MACROD2: variants seen among roughly 807,000 people sequenced by gnomAD.
The protein encoded by MACROD2 is ADP-ribose glycohydrolase MACROD2.
In MACROD2, 36 loss-of-function variants were observed where a neutral mutation model predicts 70.4. The observed-to-expected ratio is 0.51, with a 90% CI of 0.39 to 0.68. The LOEUF is 0.68. MACROD2 is among the 30% of genes least tolerant of loss of function. The pLI is 0.00. For synonymous variants in MACROD2, 172 were observed against 178.8 expected (o/e 0.96, Z 0.30); for missense variants, 496 against 538.4 (o/e 0.92, Z 0.78).
At chr20:14,946,678 T>G (rs2074435236) in intron 5 of MACROD2, among the ~76,000 whole-genome samples, 1 of 152,206 alleles carries the variant, frequency 6.6e-6, no homozygotes, top group South Asian at 2.1e-4. Context: ...TGATTTTCTT[T>G]TCCTCCAGGT....
chr20:14,075,262 G>A (rs747113223), intron 2 of MACROD2, among the ~76,000 whole-genome samples: 4 of 152,152 alleles, frequency 2.6e-5, no homozygotes, highest in Non-Finnish European at 4.4e-5. Context: ...CTTTGCTGTC[G>A]CATCTCAATC....
chr20:14,544,133 T>C (rs1275683544), intron 4 of MACROD2, among the ~76,000 whole-genome samples: 1 of 152,154 alleles, frequency 6.6e-6, no homozygotes, highest in Admixed American at 6.5e-5. Context: ...GTTGATATAC[T>C]ATCCACTTTC....
chr20:15,083,470 A>G (rs1204911931), intron 5 of MACROD2, among the ~76,000 whole-genome samples: 2 of 152,116 alleles, frequency 1.3e-5, no homozygotes, highest in Non-Finnish European at 2.9e-5. Flanking sequence ...GGGGTTGCTT[A>G]TTTGTCACAA....
chr20:15,599,156 G>A lies in MACROD2; in HGVS notation c.645+99309G>A, dbSNP rs369471979. 6.3e-4 allele frequency among the ~76,000 whole-genome samples: 96 copies of A among 152,108 alleles called. 5 individuals are homozygous for A. The South Asian group carries it at 0.017, about 27-fold the overall frequency. On this transcript the variant is annotated intron_variant, in intron 8 of 17. Transcript: ENST00000684519. The stretch of plus-strand genomic sequence containing the variant: ...AGCACTTTGGGAGGCCAAGGCGGGC[G>A]GATCACGAGGTCAGGAGATCGAGAC...
At chr20:15,107,814 T>G (rs931725750) in intron 5 of MACROD2, among the ~76,000 whole-genome samples, 1 of 152,086 alleles carries the variant, frequency 6.6e-6, no homozygotes, top group African/African-American at 2.4e-5. Flanking sequence ...ATGTGGGATT[T>G]TTACTGTTTG....
intron 3 of MACROD2, among the ~76,000 whole-genome samples, chr20:14,231,302 A>G (rs1444732558): frequency 6.6e-6 from 1 of 151,700 alleles, no homozygotes; most frequent in South Asian, 2.1e-4. Flanking sequence ...CCCCACCCCA[A>G]AACAGGCCCC....
intron 5 of MACROD2, among the ~76,000 whole-genome samples, chr20:15,048,443 T>G (rs1477748335): frequency 3.3e-5 from 5 of 150,946 alleles, no homozygotes; most frequent in African/African-American, 1.2e-4. Context: ...CTTAATCCTC[T>G]CATTCTTTTT....
chr20:15,594,369 GCCA>G (rs1273574636), intron 8 of MACROD2, among the ~76,000 whole-genome samples: 2 of 152,022 alleles, frequency 1.3e-5, no homozygotes, highest in African/African-American at 4.8e-5. Flanking sequence ...CTCCATGACA[GCCA>G]CTTCAATTGG....
intron 8 of MACROD2, among the ~76,000 whole-genome samples, chr20:15,639,225 T>C (rs2049416337): frequency 6.6e-6 from 1 of 152,170 alleles, no homozygotes; most frequent in Non-Finnish European, 1.5e-5. Context: ...AGATCAAATC[T>C]GATAGGGATT....
chr20:15,172,165 C>T (rs1026079161), intron 5 of MACROD2, among the ~76,000 whole-genome samples: 19 of 152,014 alleles, frequency 1.2e-4, no homozygotes, highest in African/African-American at 4.6e-4. Flanking sequence ...AAGATTCTGT[C>T]ATAGTTACCA....
At chr20:14,611,304 G>A (rs189588461) in intron 4 of MACROD2, among the ~76,000 whole-genome samples, 1 of 152,172 alleles carries the variant, frequency 6.6e-6, no homozygotes, top group Non-Finnish European at 1.5e-5. Context: ...AACATTAGAA[G>A]AATACCTGGT....
chr20:14,827,069 C>T (rs767200796), intron 5 of MACROD2, among the ~76,000 whole-genome samples: 10 of 152,126 alleles, frequency 6.6e-5, no homozygotes, highest in South Asian at 4.2e-4. Flanking sequence ...GATGTCAGGG[C>T]GAGCAGCAAC....
chr20:14,433,727 C>T (rs6079437), intron 3 of MACROD2, among the ~76,000 whole-genome samples: 113,301 of 152,014 alleles, frequency 0.75, 44,070 homozygotes, highest in South Asian at 0.87. Context: ...TATTGTCTCA[C>T]CAAGACAGTT....
intron 3 of MACROD2, among the ~76,000 whole-genome samples, chr20:14,413,045 T>C (rs1035563906): frequency 1.3e-5 from 2 of 152,110 alleles, no homozygotes; most frequent in African/African-American, 4.8e-5. Flanking sequence ...GGATGTTACA[T>C]TACCACAAAT....
chr20:14,608,198 G>A (rs1320928308), intron 4 of MACROD2, among the ~76,000 whole-genome samples: 16 of 152,146 alleles, frequency 1.1e-4, no homozygotes, highest in Non-Finnish European at 1.5e-5. Context: ...GGAGGTTGTA[G>A]TGAGCTGACA....
intron 3 of MACROD2, among the ~76,000 whole-genome samples, chr20:14,232,532 A>T (rs2081826252): frequency 6.6e-6 from 1 of 152,206 alleles, no homozygotes. Flanking sequence ...TATGTTATGG[A>T]GATGGCTTCT....
chr20:15,497,367 A>G (rs930543447), intron 7 of MACROD2, among the ~76,000 whole-genome samples: 8 of 151,744 alleles, frequency 5.3e-5, no homozygotes, highest in African/African-American at 1.7e-4. Context: ...ATCTTGGCTC[A>G]CTGCAACCTC....
At position 14,383,254 on chromosome 20, in the gene MACROD2, C is replaced by T. The variant is rs533635802; in HGVS notation, c.272-110225C>T. On this transcript the variant is annotated intron_variant, in intron 3 of 17. Transcript: ENST00000684519. ...TTTATAGAAGCAATCTCTACATCTC[C>T]GCTGCCCCAGACTGAAAATTTTTAG... Among the ~76,000 whole-genome samples, 66 of 152,220 alleles carry T rather than the reference C, an allele frequency of 4.3e-4. 1 individual carries two copies. Among genetic ancestry groups the T allele is most frequent in the African/African-American group, 1.4e-3 (57 of 41,530 alleles).
intron 5 of MACROD2, among the ~76,000 whole-genome samples, chr20:14,793,348 T>C (rs1481814336): frequency 2.0e-5 from 3 of 151,668 alleles, no homozygotes; most frequent in African/African-American, 7.3e-5. Context: ...CTCAAAGGAG[T>C]GTACATTTTG....
Sources: gnomAD v4.1 joint callset for allele counts (sites outside exome capture counted in the v4.1 genomes callset) on GRCh38, gnomAD v4.1.1 for gene constraint, MANE v1.5 for transcripts, NCBI Gene and HGNC (gene_info 2026-07-23, HGNC 2026-07-21) for gene names.